The following ACSM1 variants were observed in gnomAD, a reference collection of about 807,000 sequenced individuals.
The protein encoded by ACSM1 is acyl-coenzyme A synthetase ACSM1, mitochondrial.
Under a neutral mutation model 75.8 loss-of-function variants are expected in ACSM1, and 79 were observed. The observed-to-expected ratio is 1.04, with a 90% confidence interval of 0.87 to 1.26. The LOEUF is 1.26. Ranked by LOEUF, ACSM1 falls within the 50% of genes most tolerant of loss-of-function variation. ACSM1 has a pLI of 0.00. For synonymous variants in ACSM1, 279 were observed against 265.8 expected, an observed-to-expected ratio of 1.05 and a Z score of -0.48; for missense variants, 676 against 720.1, an observed-to-expected ratio of 0.94 and a Z score of 0.70.
intron 4 of ACSM1, among the ~76,000 whole-genome samples, chr16:20,676,393 G>A (rs1003703952): frequency 6.6e-6 from 1 of 152,214 alleles, no homozygotes; most frequent in Non-Finnish European, 1.5e-5. Flanking sequence ...AAAAGCACCA[G>A]CCAGTTTTAA....
chr16:20,658,559 T>G (rs1040516629), intron 7 of ACSM1, among the ~76,000 whole-genome samples: 2 of 152,184 alleles, frequency 1.3e-5, no homozygotes, highest in Non-Finnish European at 2.9e-5. Flanking sequence ...GTCTTTTGAC[T>G]TTTAAGGTCT....
intron 7 of ACSM1, among the ~76,000 whole-genome samples, chr16:20,650,389 G>C (rs574770385): frequency 6.6e-6 from 1 of 152,124 alleles, no homozygotes; most frequent in African/African-American, 2.4e-5. Flanking sequence ...ACTCGTGGGA[G>C]TGTCTGGGAG....
intron 2 of ACSM1, among the ~76,000 whole-genome samples, chr16:20,685,886 C>T (rs917774362): frequency 6.8e-6 from 1 of 146,638 alleles, no homozygotes; most frequent in African/African-American, 2.5e-5. Flanking sequence ...AGGGGTGGAG[C>T]GGGACTTCTG....
chr16:20,674,065 T>C (rs1413807335), intron 4 of ACSM1: 1 of 442,398 alleles, frequency 2.3e-6, no homozygotes, highest in Non-Finnish European at 4.5e-6. Flanking sequence ...TGGCTGCTTG[T>C]CTCTCACCAC....
chr16:20,646,837 A>G (rs193027029), intron 7 of ACSM1, among the ~76,000 whole-genome samples: 254 of 152,326 alleles, frequency 1.7e-3, no homozygotes, highest in African/African-American at 5.9e-3. Context: ...ACACCTATCA[A>G]ACATCAGGAA....
intron 1 of ACSM1, among the ~76,000 whole-genome samples, chr16:20,691,760 TG>T (rs1567315908): frequency 2.3e-5 from 1 of 42,690 alleles, no homozygotes; most frequent in Admixed American, 2.3e-4. Flanking sequence ...AATGTGTGTG[TG>T]TGTGTGTGTG....
intron 10 of ACSM1, 96 bp from the exon 11 acceptor site, chr16:20,627,412 G>A (rs1399351309): frequency 7.2e-7 from 1 of 1,389,900 alleles, no homozygotes; most frequent in Non-Finnish European, 9.4e-7. Context: ...TTCTGCCTCT[G>A]TTTCTACTCG....
chr16:20,629,212 T>C (rs1211428136), intron 10 of ACSM1, among the ~76,000 whole-genome samples: 2 of 152,188 alleles, frequency 1.3e-5, no homozygotes, highest in Non-Finnish European at 2.9e-5. Context: ...CAAGTAATAC[T>C]GTTTTCCACT....
intron 7 of ACSM1, among the ~76,000 whole-genome samples, chr16:20,653,470 G>A (rs185550383): frequency 2.5e-3 from 388 of 152,246 alleles, no homozygotes; most frequent in African/African-American, 9.0e-3. Flanking sequence ...AATTGACCCT[G>A]TTTGCAGATG....
At chr16:20,638,154 C>A (rs546414144) in intron 8 of ACSM1, among the ~76,000 whole-genome samples, 27 of 152,308 alleles carry the variant, frequency 1.8e-4, no homozygotes, top group Admixed American at 1.2e-3. Flanking sequence ...GAGGGTTTGA[C>A]CCTTGACTCC....
chr16:20,637,301 C>T (rs951066384), intron 9 of ACSM1, 70 bp downstream of exon 9: 2 of 1,232,224 alleles, frequency 1.6e-6, no homozygotes, highest in South Asian at 1.2e-5. Context: ...CTGGTGTTGT[C>T]ACCTGGTGTC....
intron 10 of ACSM1, among the ~76,000 whole-genome samples, chr16:20,635,205 G>C (rs168102): frequency 0.29 from 44,518 of 151,912 alleles, 7,975 homozygotes; most frequent in African/African-American, 0.5. Context: ...AAGTAGTCTG[G>C]GCAACATAGT....
At chr16:20,671,024 C>T (rs926643754) in intron 5 of ACSM1, among the ~76,000 whole-genome samples, 5 of 152,082 alleles carry the variant, frequency 3.3e-5, no homozygotes, top group African/African-American at 1.2e-4. Flanking sequence ...AGAGCTTTGC[C>T]CTCTTAGAGG....
At chr16:20,663,384 G>A (rs2019395087) in intron 6 of ACSM1, among the ~76,000 whole-genome samples, 1 of 152,148 alleles carries the variant, frequency 6.6e-6, no homozygotes, top group Non-Finnish European at 1.5e-5. Context: ...CCAATAAATA[G>A]TGTGGGCTCC....
chr16:20,635,638 TTC>T (rs1246333171), intron 10 of ACSM1, among the ~76,000 whole-genome samples: 8 of 105,876 alleles, frequency 7.6e-5, no homozygotes, highest in Non-Finnish European at 1.3e-4. Context: ...CTTTCTTTCT[TTC>T]TTTCTTTCTT....
chr16:20,644,556 C>T (rs199809083), intron 7 of ACSM1, among the ~76,000 whole-genome samples: 1 of 129,550 alleles, frequency 7.7e-6, no homozygotes, highest in Admixed American at 7.3e-5. Flanking sequence ...CACACACACA[C>T]ACACACACAC....
chr16:20,669,782 T>A (rs767368155), intron 6 of ACSM1, 45 bp downstream of exon 6: 8 of 1,596,356 alleles, frequency 5.0e-6, no homozygotes, highest in Non-Finnish European at 6.8e-6. Flanking sequence ...GAAACATGGA[T>A]TTTTTTCTGG....
intron 13 of ACSM1, among the ~76,000 whole-genome samples, chr16:20,623,794 G>A (rs1845918): frequency 0.024 from 3,605 of 152,282 alleles, 81 homozygotes; most frequent in Non-Finnish European, 0.03. Context: ...TGGAAGTGAA[G>A]CATGTAACCT....
chr16:20,661,037 A>AC (rs1240258809), intron 7 of ACSM1, among the ~76,000 whole-genome samples: 2 of 152,134 alleles, frequency 1.3e-5, no homozygotes, highest in Non-Finnish European at 2.9e-5. Context: ...TATCAGTGTG[A>AC]CCCGCAATTC....
Sources: allele counts gnomAD v4.1 joint callset (sites outside exome capture counted in the v4.1 genomes callset), GRCh38; gene constraint gnomAD v4.1.1; transcripts MANE v1.5; gene names NCBI Gene and HGNC (gene_info 2026-07-23, HGNC 2026-07-21).